The following COL10A1 variants were observed in gnomAD, a reference collection of about 807,000 sequenced individuals.
COL10A1 encodes collagen alpha-1(X) chain.
In COL10A1, 10 loss-of-function variants were observed where a neutral mutation model predicts 18.2. The ratio of observed to expected loss-of-function variants is 0.55; its 90% confidence interval spans 0.34 to 0.93. The LOEUF is 0.93. COL10A1 is among the 40% of genes least tolerant of loss of function. The pLI is 0.02. For synonymous variants in COL10A1, 330 were observed against 316.6 expected (o/e 1.04, Z -0.45); for missense variants, 897 against 853.5 (o/e 1.05, Z -0.64).
the COL10A1 span, among the ~76,000 whole-genome samples, chr6:116,176,031 C>T: frequency 1.3e-5 from 2 of 152,146 alleles, no homozygotes; most frequent in East Asian, 1.9e-4. Flanking sequence ...ACATTAGGCA[C>T]TGAGGCAAAC....
chr6:116,132,962 C>A (rs766753144), intron 1 of COL10A1, among the ~76,000 whole-genome samples: 2 of 152,056 alleles, frequency 1.3e-5, no homozygotes, highest in Non-Finnish European at 2.9e-5. Flanking sequence ...TGGTTAGATA[C>A]CTGCTGAGAG....
chr6:116,168,867 A>G, the COL10A1 span, among the ~76,000 whole-genome samples: 15 of 152,202 alleles, frequency 9.9e-5, no homozygotes, highest in African/African-American at 2.6e-4. Flanking sequence ...CCTGTCATCA[A>G]TTTTTAGAGA....
At chr6:116,185,697 T>C in the COL10A1 span, among the ~76,000 whole-genome samples, 1 of 152,152 alleles carries the variant, frequency 6.6e-6, no homozygotes, top group African/African-American at 2.4e-5. Flanking sequence ...CTGCTTGCTT[T>C]TGGTATACAT....
chr6:116,187,043 G>A, the COL10A1 span, among the ~76,000 whole-genome samples: 4 of 152,110 alleles, frequency 2.6e-5, no homozygotes, highest in East Asian at 3.9e-4. Context: ...AGATTCTTTT[G>A]TCCCACAGGG....
chr6:116,192,453 G>A, the COL10A1 span, among the ~76,000 whole-genome samples: 3 of 151,956 alleles, frequency 2.0e-5, no homozygotes, highest in Admixed American at 2.0e-4. Context: ...TAGTACTAGG[G>A]TTTAACTATA....
At chr6:116,124,789 T>C (rs1251960291) in intron 2 of COL10A1, among the ~76,000 whole-genome samples, 1 of 152,220 alleles carries the variant, frequency 6.6e-6, no homozygotes, top group African/African-American at 2.4e-5. Flanking sequence ...GTATAAGTAA[T>C]TATGAGAATT....
chr6:116,172,441 C>T, the COL10A1 span, among the ~76,000 whole-genome samples: 1 of 151,052 alleles, frequency 6.6e-6, no homozygotes, highest in Non-Finnish European at 1.5e-5. Context: ...CCTGCCTCAG[C>T]TTGCTGAGTA....
At chr6:116,160,874 A>G (rs1396145567), upstream of COL10A1, among the ~76,000 whole-genome samples, 2 of 152,290 alleles carry the variant, frequency 1.3e-5, no homozygotes, top group South Asian at 2.1e-4. Context: ...TCATGCTGCT[A>G]TAAAGACACA....
intron 1 of COL10A1, among the ~76,000 whole-genome samples, chr6:116,146,792 G>A (rs1266395332): frequency 2.0e-5 from 3 of 151,896 alleles, no homozygotes; most frequent in Non-Finnish European, 1.5e-5. Context: ...GAAAAAGATA[G>A]CATTTCAGAT....
upstream of COL10A1, among the ~76,000 whole-genome samples, chr6:116,129,359 A>G (rs1283541857): frequency 3.3e-5 from 5 of 152,196 alleles, no homozygotes; most frequent in African/African-American, 4.8e-5. Flanking sequence ...GTTTGAATGT[A>G]TCCCCCAAAG....
chr6:116,179,662 A>T, the COL10A1 span, among the ~76,000 whole-genome samples: 3 of 152,170 alleles, frequency 2.0e-5, no homozygotes, highest in African/African-American at 7.2e-5. Context: ...ACGGGTTTTG[A>T]ACAAGCATTT....
the COL10A1 span, among the ~76,000 whole-genome samples, chr6:116,181,464 A>G: frequency 6.6e-6 from 1 of 152,130 alleles, no homozygotes; most frequent in Non-Finnish European, 1.5e-5. Context: ...GCATCTGTTC[A>G]TAATAAAAAC....
At chr6:116,173,990 G>A in the COL10A1 span, among the ~76,000 whole-genome samples, 2 of 152,126 alleles carry the variant, frequency 1.3e-5, no homozygotes, top group Admixed American at 1.3e-4. Context: ...TTTCTCACTT[G>A]GAGTGCTAGC....
chr6:116,184,506 C>T, the COL10A1 span, among the ~76,000 whole-genome samples: 35,910 of 151,944 alleles, frequency 0.24, 4,511 homozygotes, highest in Middle Eastern at 0.34. Context: ...GCTATGAATC[C>T]GTCTGATCCT....
In COL10A1 at chr6:116,135,852, T is replaced by C. The variant is rs868837494; in HGVS notation, c.-15-10345A>G. The stretch of plus-strand genomic sequence containing the variant: ...ATTTTCAGATATATATATATATATA[T>C]ATATATATATATATATATATACACA... On this transcript the variant is annotated intron_variant, in intron 1 of 1. Transcript: ENST00000418500. Among the ~76,000 whole-genome samples the C allele has an allele frequency of 3.2e-3, 375 of 115,662 alleles. 9 individuals carry two copies. The South Asian group carries it at 0.046, about 14-fold the overall frequency. The allele number at this position is 115,662 out of a possible 152,430, so 75.9% of individuals were successfully genotyped here.
chr6:116,213,370 T>A, the COL10A1 span, among the ~76,000 whole-genome samples: 1 of 152,070 alleles, frequency 6.6e-6, no homozygotes, highest in Non-Finnish European at 1.5e-5. Context: ...CCTCACAGCA[T>A]CTCAGGTAGC....
the COL10A1 span, among the ~76,000 whole-genome samples, chr6:116,202,402 T>G: frequency 1.3e-5 from 2 of 152,018 alleles, no homozygotes; most frequent in African/African-American, 4.8e-5. Flanking sequence ...TAAAATTCAC[T>G]GAGTTTTGTT....
chr6:116,137,394 G>A (rs1358979451), intron 1 of COL10A1: 1 of 156,658 alleles, frequency 6.4e-6, no homozygotes, highest in African/African-American at 2.4e-5. Flanking sequence ...GCAGGTCACA[G>A]GGAAATCAGA....
the COL10A1 span, among the ~76,000 whole-genome samples, chr6:116,191,655 CTG>C: frequency 6.6e-6 from 1 of 151,992 alleles, no homozygotes; most frequent in Non-Finnish European, 1.5e-5. Flanking sequence ...TCTAAACTAA[CTG>C]TAAAGAAAAT....
Sources: allele counts gnomAD v4.1 joint callset (sites outside exome capture counted in the v4.1 genomes callset), GRCh38; gene constraint gnomAD v4.1.1; transcripts MANE v1.5; gene names NCBI Gene and HGNC (gene_info 2026-07-23, HGNC 2026-07-21).